The following LRP5 variants were observed in gnomAD, a reference collection of about 807,000 sequenced individuals.
LRP5 encodes the protein low-density lipoprotein receptor-related protein 5.
Under a neutral mutation model 154.1 loss-of-function variants are expected in LRP5, and 62 were observed. The observed-to-expected ratio is 0.40, with a 90% CI of 0.33 to 0.50. The LOEUF (loss-of-function observed/expected upper bound fraction) is 0.50, where lower values mean the gene tolerates loss of function less well. Ranked by LOEUF, LRP5 falls within the 20% of genes least tolerant of loss-of-function variation. LRP5 has a pLI of 0.55. For missense variants in LRP5, 1,915 were observed against 2,336.7 expected (o/e 0.82, Z 3.72); for synonymous variants, 966 against 1,011.5 (o/e 0.96, Z 0.85).
intron 22 of LRP5, among the ~76,000 whole-genome samples, chr11:68,448,572 G>A (rs2098682683): frequency 6.6e-6 from 1 of 152,228 alleles, no homozygotes; most frequent in South Asian, 2.1e-4. Flanking sequence ...CCAGGGCCCA[G>A]GCTTGGCAGG....
At chr11:68,396,447 C>T (rs1161180456) in intron 7 of LRP5, among the ~76,000 whole-genome samples, 11 of 152,042 alleles carry the variant, frequency 7.2e-5, no homozygotes, top group Non-Finnish European at 1.5e-4. Flanking sequence ...CGGGGCTAGC[C>T]GGGCTCTGCC....
chr11:68,411,422 C>T lies in LRP5; in HGVS notation c.2319-14C>T. 6.2e-7 allele frequency: 1 copy of T among 1,609,412 alleles called. No homozygotes were observed. The highest frequency in any genetic ancestry group is 1.7e-5 in the Admixed American group (1 of 60,014). The stretch of plus-strand genomic sequence containing the variant: ...AGACTCACTGAGCCTGCCCTTCTCC[C>T]TTGTGCCTTCCAGCTACATCTACTG... On this transcript the variant is annotated splice_polypyrimidine_tract_variant and intron_variant, in intron 10 of 22. Transcript: ENST00000294304.
chr11:68,426,260 T>C (rs1340966655), intron 16 of LRP5, 73 bp downstream of exon 16: 1 of 1,320,128 alleles, frequency 7.6e-7, no homozygotes, highest in East Asian at 2.4e-5. Flanking sequence ...TGGAGGCCAG[T>C]GCAAGATCCT....
At chr11:68,448,410 C>G (rs1373509941) in intron 22 of LRP5, among the ~76,000 whole-genome samples, 1 of 152,228 alleles carries the variant, frequency 6.6e-6, no homozygotes, top group Admixed American at 6.5e-5. Context: ...ACCTTCCAGG[C>G]AGAATCTCAT....
intron 2 of LRP5, among the ~76,000 whole-genome samples, chr11:68,349,064 C>G (rs1591206584): frequency 7.0e-6 from 1 of 142,540 alleles, no homozygotes; most frequent in Non-Finnish European, 1.5e-5. Flanking sequence ...GATGGAGTCT[C>G]CCTTGTTGCC....
intron 3 of LRP5, among the ~76,000 whole-genome samples, chr11:68,363,472 CA>C (rs2098629148): frequency 6.6e-6 from 1 of 152,120 alleles, no homozygotes; most frequent in Non-Finnish European, 1.5e-5. Context: ...GCCTTGCCAA[CA>C]TGATGAAACC....
Position 68,341,059 on chromosome 11 carries a change from C to CCTTTT in LRP5, c.92-6788_92-6787insCTTTT, listed in dbSNP as rs1555071026. On this transcript the variant is annotated intron_variant, in intron 1 of 22. Coordinates refer to ENST00000294304, the MANE Select transcript of LRP5 (RefSeq NM_002335.4). ...GTTACCCCTGCCGCTGGAGATTGTT[C>CCTTTT]TTTTTTTTTTTTTTTTTTTGCTATT... is the stretch of plus-strand genomic sequence containing the variant. Among the ~76,000 whole-genome samples, 130 of 83,476 alleles carry CCTTTT rather than the reference C, an allele frequency of 1.6e-3. 4 individuals are homozygous for CCTTTT. Among genetic ancestry groups the CCTTTT allele is most frequent in the African/African-American group, 5.3e-3 (111 of 21,018 alleles). The allele number at this position is 83,476 out of a possible 152,430, so 54.8% of individuals were successfully genotyped here.
In LRP5 at chr11:68,438,374, G is replaced by A. The variant is rs545027229; in HGVS notation, c.4112-72G>A. The A allele has an allele frequency of 1.5e-4, 213 of 1,380,558 alleles. No homozygotes were observed. In the African/African-American group the frequency reaches 2.6e-3, roughly 17 times the overall value. 85.5% of individuals were successfully genotyped at this position (1,380,558 alleles called of 1,614,324 possible). ...AAAGCCAGCCCCTTCAGGGCGCACG[G>A]TGTCTGCCCCCAAGGAGGGCCCATT... On this transcript the variant is annotated intron_variant, in intron 19 of 22. Transcript: ENST00000294304.
chr11:68,333,791 G>C (rs764346077), intron 1 of LRP5, among the ~76,000 whole-genome samples: 11 of 152,206 alleles, frequency 7.2e-5, no homozygotes, highest in Non-Finnish European at 1.5e-4. Context: ...GGACATTGGA[G>C]AGGACTGCAG....
At chr11:68,419,785 G>A (rs1235338024) in intron 13 of LRP5, among the ~76,000 whole-genome samples, 2 of 151,708 alleles carry the variant, frequency 1.3e-5, no homozygotes, top group Non-Finnish European at 2.9e-5. Context: ...CTGGTGATCC[G>A]CCCGCCTCGG....
chr11:68,398,390 G>A (rs894154116), intron 7 of LRP5, among the ~76,000 whole-genome samples: 2 of 152,198 alleles, frequency 1.3e-5, no homozygotes, highest in South Asian at 2.1e-4. Context: ...GGGGGCGTGC[G>A]CCTGCTCTGC....
At chr11:68,429,789 C>G (rs2098670925) in intron 17 of LRP5, 89 bp downstream of exon 17, 4 of 1,559,462 alleles carry the variant, frequency 2.6e-6, no homozygotes, top group East Asian at 4.5e-5. Context: ...CTTTTAAAAT[C>G]ACAGTCCCTG....
chr11:68,321,672 A>G (rs1442534909), intron 1 of LRP5, among the ~76,000 whole-genome samples: 1 of 152,202 alleles, frequency 6.6e-6, no homozygotes, highest in African/African-American at 2.4e-5. Context: ...CAGGAAAGAA[A>G]TTCTAATGCA....
At chr11:68,418,827 T>C (rs2098663991) in intron 13 of LRP5, among the ~76,000 whole-genome samples, 1 of 152,198 alleles carries the variant, frequency 6.6e-6, no homozygotes, top group Non-Finnish European at 1.5e-5. Flanking sequence ...TACAGGTGAC[T>C]GTCACGTGGA....
intron 1 of LRP5, among the ~76,000 whole-genome samples, chr11:68,342,985 G>A (rs1340698489): frequency 2.0e-5 from 3 of 152,222 alleles, no homozygotes; most frequent in Non-Finnish European, 4.4e-5. Flanking sequence ...GGTTTTACTG[G>A]GTTGCTGGCC....
At chr11:68,336,823 C>T (rs1005158666) in intron 1 of LRP5, among the ~76,000 whole-genome samples, 1 of 152,142 alleles carries the variant, frequency 6.6e-6, no homozygotes, top group African/African-American at 2.4e-5. Context: ...ATCGTCGTAA[C>T]CATTTGTAAG....
the LRP5 span, among the ~76,000 whole-genome samples, chr11:68,305,212 C>T: frequency 3.3e-5 from 5 of 152,124 alleles, no homozygotes; most frequent in African/African-American, 1.2e-4. Flanking sequence ...ATGGTGAGTT[C>T]TCGTGAGATC....
At chr11:68,433,920 C>T in intron 18 of LRP5, 82 bp downstream of exon 18, 19 of 1,328,884 alleles carry the variant, frequency 1.4e-5, no homozygotes, top group Non-Finnish European at 1.9e-5. Flanking sequence ...TCCGGCCTCA[C>T]AGGAGTAGGG....
intron 1 of LRP5, among the ~76,000 whole-genome samples, chr11:68,346,207 G>T (rs1381190357): frequency 6.6e-6 from 1 of 152,242 alleles, no homozygotes; most frequent in Non-Finnish European, 1.5e-5. Flanking sequence ...TGTGGCCTAT[G>T]CCTTCCTGTT....
Sources: allele counts gnomAD v4.1 joint callset (sites outside exome capture counted in the v4.1 genomes callset), GRCh38; gene constraint gnomAD v4.1.1; transcripts MANE v1.5; gene names NCBI Gene and HGNC (gene_info 2026-07-23, HGNC 2026-07-21).